The following RAB38 variants were observed in gnomAD, a reference collection of about 807,000 sequenced individuals.
RAB38 encodes ras-related protein Rab-38.
RAB38 carries 15 observed loss-of-function variants against 18.4 expected under a neutral mutation model. The observed-to-expected ratio is 0.82, with a 90% CI of 0.55 to 1.26. RAB38 has a LOEUF of 1.26. RAB38 is among the 50% of genes most tolerant of loss of function. RAB38 has a pLI of 0.00. For missense variants in RAB38, 294 were observed against 267.4 expected, an observed-to-expected ratio of 1.10 and a Z score of -0.69; for synonymous variants, 101 against 104.4, an observed-to-expected ratio of 0.97 and a Z score of 0.20.
the RAB38 span, among the ~76,000 whole-genome samples, chr11:87,942,464 C>T: frequency 6.6e-6 from 1 of 152,110 alleles, no homozygotes; most frequent in South Asian, 2.1e-4. Context: ...TAGCAACTCG[C>T]TGTATAAACC....
At chr11:87,805,897 T>C in the RAB38 span, among the ~76,000 whole-genome samples, 1 of 152,120 alleles carries the variant, frequency 6.6e-6, no homozygotes, top group Non-Finnish European at 1.5e-5. Flanking sequence ...TCAGTCTTTT[T>C]CTCTTAAAGC....
chr11:87,857,581 T>C, the RAB38 span, among the ~76,000 whole-genome samples: 1 of 152,196 alleles, frequency 6.6e-6, no homozygotes, highest in Non-Finnish European at 1.5e-5. Context: ...TGGTATCTCA[T>C]TGTGGTTTTG....
At chr11:87,845,198 C>A in the RAB38 span, among the ~76,000 whole-genome samples, 1 of 152,024 alleles carries the variant, frequency 6.6e-6, no homozygotes, top group Non-Finnish European at 1.5e-5. Context: ...AAGAACCAGG[C>A]AAATGTAGCC....
chr11:87,945,418 T>G, the RAB38 span, among the ~76,000 whole-genome samples: 3 of 152,146 alleles, frequency 2.0e-5, no homozygotes, highest in Non-Finnish European at 4.4e-5. Flanking sequence ...CAGATTTTAC[T>G]GAAATGGAGC....
the RAB38 span, among the ~76,000 whole-genome samples, chr11:88,049,796 G>C: frequency 6.6e-6 from 1 of 152,180 alleles, no homozygotes; most frequent in Non-Finnish European, 1.5e-5. Context: ...GGATATTTTA[G>C]AGTTTTCCAT....
chr11:88,091,309 G>A, the RAB38 span, among the ~76,000 whole-genome samples: 1 of 152,122 alleles, frequency 6.6e-6, no homozygotes, highest in African/African-American at 2.4e-5. Flanking sequence ...ACAATGTAGG[G>A]ACCAGTGACC....
chr11:88,136,200 G>T, intron 2 of RAB38, among the ~76,000 whole-genome samples: 1 of 152,164 alleles, frequency 6.6e-6, no homozygotes. Context: ...GGCTACAGAG[G>T]AGCTGCTGCT....
the RAB38 span, among the ~76,000 whole-genome samples, chr11:87,972,802 T>C: frequency 6.6e-6 from 1 of 152,102 alleles, no homozygotes; most frequent in Admixed American, 6.6e-5. Context: ...TAATATGGTT[T>C]GGACTTGTGT....
chr11:87,812,591 C>G, the RAB38 span, among the ~76,000 whole-genome samples: 1 of 152,164 alleles, frequency 6.6e-6, no homozygotes, highest in African/African-American at 2.4e-5. Context: ...CCAATGGAGA[C>G]AAGCACGGTC....
intron 2 of RAB38, chr11:88,115,597 G>A (rs1215653733): frequency 1.3e-5 from 2 of 152,256 alleles, no homozygotes; most frequent in East Asian, 3.9e-4. Context: ...TAAAGAAAAT[G>A]TTTCCCAGGC....
At chr11:87,853,862 G>A in the RAB38 span, among the ~76,000 whole-genome samples, 1 of 152,078 alleles carries the variant, frequency 6.6e-6, no homozygotes, top group Admixed American at 6.6e-5. Flanking sequence ...CAAGGTGTTG[G>A]CAAGGCTATA....
chr11:87,901,691 T>C, the RAB38 span, among the ~76,000 whole-genome samples: 3 of 151,594 alleles, frequency 2.0e-5, no homozygotes, highest in Admixed American at 2.0e-4. Flanking sequence ...ACTTAAGCAG[T>C]ACATTATTCC....
chr11:88,171,876 A>T (rs1249696843), intron 1 of RAB38, among the ~76,000 whole-genome samples: 1 of 152,224 alleles, frequency 6.6e-6, no homozygotes, highest in African/African-American at 2.4e-5. Context: ...CTATTTTTTT[A>T]AAAACTCTAT....
chr11:87,965,475 C>T, the RAB38 span, among the ~76,000 whole-genome samples: 3 of 152,084 alleles, frequency 2.0e-5, no homozygotes, highest in Non-Finnish European at 4.4e-5. Context: ...GTACATGTTC[C>T]CAGTTCATGT....
intron 2 of RAB38, among the ~76,000 whole-genome samples, chr11:88,135,142 C>T: frequency 6.6e-6 from 1 of 152,138 alleles, no homozygotes; most frequent in East Asian, 1.9e-4. Context: ...GAAACCTTCC[C>T]CGGTCACCCT....
At chr11:87,911,600 T>C in the RAB38 span, among the ~76,000 whole-genome samples, 1 of 152,084 alleles carries the variant, frequency 6.6e-6, no homozygotes, top group African/African-American at 2.4e-5. Flanking sequence ...TTTTTATACA[T>C]AAATTATAGA....
At chr11:87,855,593 T>C in the RAB38 span, among the ~76,000 whole-genome samples, 1 of 152,246 alleles carries the variant, frequency 6.6e-6, no homozygotes, top group Non-Finnish European at 1.5e-5. Context: ...AAGTATAAAA[T>C]CTAAAATATA....
At chr11:88,027,263 C>G in the RAB38 span, among the ~76,000 whole-genome samples, 1 of 152,034 alleles carries the variant, frequency 6.6e-6, no homozygotes, top group Non-Finnish European at 1.5e-5. Flanking sequence ...TGAATAGGAA[C>G]AGCTCCAGTC....
chr11:87,893,390 A>ATATATATATTTTTTT, the RAB38 span, among the ~76,000 whole-genome samples: 22 of 93,888 alleles, frequency 2.3e-4, no homozygotes, highest in Non-Finnish European at 3.5e-4. Flanking sequence ...ATATATATAT[A>ATATATATATTTTTTT]TTTTTTTTTT....
Sources: gnomAD v4.1 joint callset for allele counts (sites outside exome capture counted in the v4.1 genomes callset) on GRCh38, gnomAD v4.1.1 for gene constraint, MANE v1.5 for transcripts, NCBI Gene and HGNC (gene_info 2026-07-23, HGNC 2026-07-21) for gene names.